Variants in NHS observed in about 807,000 individuals in gnomAD.
The protein encoded by NHS is NHS actin remodeling regulator, also known as actin remodeling regulator NHS.
Under a neutral mutation model 72.5 loss-of-function variants are expected in NHS, and 5 were observed. That is an observed-to-expected ratio of 0.07 (90% confidence interval 0.04 to 0.14). The LOEUF (loss-of-function observed/expected upper bound fraction) is 0.14. Ranked by LOEUF, NHS falls within the 10% of genes least tolerant of loss-of-function variation. The pLI, the probability that NHS is intolerant of heterozygous loss-of-function variation, is 1.00. For synonymous variants in NHS, 464 were observed against 547.7 expected, an observed-to-expected ratio of 0.85 and a Z score of 2.13; for missense variants, 1,072 against 1,355.7, an observed-to-expected ratio of 0.79 and a Z score of 3.29.
At chrX:17,710,063 T>G (rs2066321061) in intron 3 of NHS, among the ~76,000 whole-genome samples, 1 of 111,831 alleles carries the variant, frequency 8.9e-6, no homozygotes, top group South Asian at 3.7e-4. Flanking sequence ...CCCTTCTTCC[T>G]CTTCCAGCCT....
intron 1 of NHS, among the ~76,000 whole-genome samples, chrX:17,564,360 G>A (rs894620776): frequency 8.9e-6 from 1 of 112,132 alleles, no homozygotes; most frequent in Non-Finnish European, 1.9e-5. Flanking sequence ...CCCTAGTTGT[G>A]TCAACCAGAA....
rs1260406828 is a variant in NHS at position 17,504,589 on chromosome X, C to A, written c.565+128267C>A. On this transcript the variant is annotated intron_variant, in intron 1 of 8. Coordinates refer to ENST00000676302, the MANE Select transcript of NHS (RefSeq NM_001291867.2). ...CTTGGGCTTTTTCTGTATTTATTTC[C>A]TTTGGCTTTCCATTTCTATTTTCCC... Among the ~76,000 whole-genome samples, 14 of 111,553 alleles carry A rather than the reference C, an allele frequency of 1.3e-4. No homozygotes were observed. In the Admixed American group the frequency reaches 1.3e-3, roughly 11 times the overall value.
intron 1 of NHS, among the ~76,000 whole-genome samples, chrX:17,545,238 G>T (rs892148693): frequency 8.9e-6 from 1 of 112,568 alleles, no homozygotes; most frequent in African/African-American, 3.2e-5. Context: ...TATTGATCTG[G>T]GGAGGCTAAT....
At chrX:17,601,827 A>G (rs979876876) in intron 1 of NHS, among the ~76,000 whole-genome samples, 4 of 111,849 alleles carry the variant, frequency 3.6e-5, no homozygotes, top group African/African-American at 1.3e-4. Flanking sequence ...CACCCTCGAT[A>G]CTCTGGGAAA....
chrX:17,400,716 G>T (rs1015772438), intron 1 of NHS, among the ~76,000 whole-genome samples: 7 of 112,044 alleles, frequency 6.2e-5, no homozygotes, highest in African/African-American at 1.9e-4. Context: ...AAACATCAAA[G>T]TTCATTGAAG....
At chrX:17,706,490 A>AACACAC (rs200289537) in intron 3 of NHS, among the ~76,000 whole-genome samples, 16 of 98,088 alleles carry the variant, frequency 1.6e-4, no homozygotes, top group Non-Finnish European at 2.7e-4. Flanking sequence ...TCAAAATAGA[A>AACACAC]ACACACACAC....
chrX:17,642,732 T>C (rs989258093), intron 1 of NHS, among the ~76,000 whole-genome samples: 1 of 112,327 alleles, frequency 8.9e-6, no homozygotes. Flanking sequence ...CAATAGCTTA[T>C]GCTATAATTT....
At chrX:17,616,133 A>T (rs767745983) in intron 1 of NHS, among the ~76,000 whole-genome samples, 2 of 112,414 alleles carry the variant, frequency 1.8e-5, no homozygotes, top group South Asian at 7.5e-4. Context: ...AAGAAAGATT[A>T]GCATTTGCTG....
At chrX:17,723,887 C>T (rs1263175368) in intron 5 of NHS, among the ~76,000 whole-genome samples, 5 of 110,715 alleles carry the variant, frequency 4.5e-5, no homozygotes, top group African/African-American at 1.6e-4. Context: ...GTTAGCTGAG[C>T]TAATTCAGGT....
In NHS at chrX:17,685,715, G is replaced by A. The variant is rs1019853375; in HGVS notation, c.566-2027G>A. ...TTGATTCTGAAATTTGGGATCACCT[G>A]CTGCAGAAAGGTGGACGTGGAGGAG... On this transcript the variant is annotated intron_variant, in intron 1 of 8. Transcript: ENST00000676302. Among the ~76,000 whole-genome samples the A allele has an allele frequency of 8.8e-4, 99 of 111,992 alleles. No individual in the cohort carries two copies. In the Middle Eastern group the frequency reaches 0.014, roughly 16 times the overall value.
At position 17,687,737 on chromosome X, in the gene NHS, T is replaced by C. The variant is rs760065199; in HGVS notation, c.566-5T>C. On this transcript the variant is annotated splice_region_variant and splice_polypyrimidine_tract_variant and intron_variant, in intron 1 of 8. Coordinates refer to ENST00000676302, the MANE Select transcript of NHS (RefSeq NM_001291867.2). ...ATGGACAACGCCCTGTTTCTTGTCT[T>C]GCAGCCGTCTCCAACCTGGACATAG... is the stretch of plus-strand genomic sequence containing the variant. The C allele has an allele frequency of 9.8e-5, 119 of 1,210,251 alleles. No individual in the cohort carries two copies. The highest frequency in any genetic ancestry group is 1.3e-4 in the Non-Finnish European group (114 of 895,269).
intron 1 of NHS, among the ~76,000 whole-genome samples, chrX:17,477,274 C>T (rs766434784): frequency 2.7e-5 from 3 of 111,340 alleles, no homozygotes; most frequent in Admixed American, 9.6e-5. Flanking sequence ...CTGGAAGGAA[C>T]GAGTCATGTG....
In NHS at chrX:17,719,150, TAAG is replaced by T. The variant is rs1289931529; in HGVS notation, c.853-193_853-191del. On this transcript the variant is annotated intron_variant, in intron 3 of 8. Coordinates refer to ENST00000676302, the MANE Select transcript of NHS (RefSeq NM_001291867.2). ...ATAAGGAGAAGAAAGGAAGGAATAA[TAAG>T]GAGAAGGAAGGAATAATGAGAAGGA... is the stretch of plus-strand genomic sequence containing the variant. The T allele has an allele frequency of 3.5e-5, 12 of 341,118 alleles. No individual in the cohort carries two copies. In the South Asian group the frequency reaches 3.8e-4, roughly 11 times the overall value. 28.1% of individuals were successfully genotyped at this position (341,118 alleles called of 1,213,427 possible).
intron 3 of NHS, among the ~76,000 whole-genome samples, chrX:17,697,444 G>A (rs111839341): frequency 0.14 from 15,986 of 111,321 alleles, 2,531 homozygotes; most frequent in African/African-American, 0.46. Context: ...ATTGCAAAAG[G>A]TCAATGAAAG....
chrX:17,488,436 G>C (rs975312652), intron 1 of NHS, among the ~76,000 whole-genome samples: 1 of 111,111 alleles, frequency 9.0e-6, no homozygotes, highest in African/African-American at 3.3e-5. Flanking sequence ...GAGGCCTCCT[G>C]TGGGGTTACA....
At chrX:17,481,195 C>T (rs2064944544) in intron 1 of NHS, among the ~76,000 whole-genome samples, 1 of 111,926 alleles carries the variant, frequency 8.9e-6, no homozygotes, top group Non-Finnish European at 1.9e-5. Flanking sequence ...TCCCAGAAAT[C>T]TCTTCAAGTG....
At chrX:17,684,421 G>C (rs1425390225) in intron 1 of NHS, among the ~76,000 whole-genome samples, 1 of 111,167 alleles carries the variant, frequency 9.0e-6, no homozygotes, top group Non-Finnish European at 1.9e-5. Context: ...CTGAAATCAA[G>C]GTGTCAGCTG....
chrX:17,460,807 A>G (rs1158960485), intron 1 of NHS, among the ~76,000 whole-genome samples: 1 of 111,906 alleles, frequency 8.9e-6, no homozygotes, highest in African/African-American at 3.3e-5. Flanking sequence ...TATAACCTCA[A>G]TTCATTCTTA....
intron 1 of NHS, among the ~76,000 whole-genome samples, chrX:17,607,923 T>TC (rs2065689534): frequency 2.0e-5 from 2 of 102,256 alleles, no homozygotes; most frequent in African/African-American, 7.1e-5. Context: ...TCTTTTCTTT[T>TC]TTTTTTTTTT....
Sources: allele counts gnomAD v4.1 joint callset (sites outside exome capture counted in the v4.1 genomes callset), GRCh38; gene constraint gnomAD v4.1.1; transcripts MANE v1.5; gene names NCBI Gene and HGNC (gene_info 2026-07-23, HGNC 2026-07-21).